Variants in NRG1 observed in about 807,000 individuals in gnomAD.
The protein encoded by NRG1 is neuregulin 1, also known as pro-neuregulin-1, membrane-bound isoform.
A neutral mutation model predicts 63.8 loss-of-function variants in NRG1; 18 were observed. The observed-to-expected ratio is 0.28, with a 90% CI of 0.19 to 0.42. NRG1 has a LOEUF of 0.42. Among genes scored for constraint, NRG1 ranks in the 10% least tolerant of loss-of-function variants. The pLI is 1.00. For missense variants in NRG1, 762 were observed against 814.7 expected, an observed-to-expected ratio of 0.94 and a Z score of 0.79; for synonymous variants, 302 against 301.3, an observed-to-expected ratio of 1.00 and a Z score of -0.02.
At chr8:32,306,526 G>A (rs1359596272) in intron 1 of NRG1, among the ~76,000 whole-genome samples, 1 of 152,182 alleles carries the variant, frequency 6.6e-6, no homozygotes, top group Non-Finnish European at 1.5e-5. Flanking sequence ...TCAGGGCTTT[G>A]TTGAGTCTGG....
intron 1 of NRG1, among the ~76,000 whole-genome samples, chr8:32,430,911 A>C (rs1228428055): frequency 6.6e-6 from 1 of 152,148 alleles, no homozygotes; most frequent in Non-Finnish European, 1.5e-5. Flanking sequence ...CAGGAATATG[A>C]AAATGAGTAA....
intron 1 of NRG1, among the ~76,000 whole-genome samples, chr8:32,260,954 T>C (rs1265650764): frequency 2.0e-5 from 3 of 152,222 alleles, no homozygotes. Flanking sequence ...TTAATGCTTA[T>C]TGGCCACTGG....
intron 1 of NRG1, among the ~76,000 whole-genome samples, chr8:32,209,712 C>CCATT (rs1844463236): frequency 7.6e-6 from 1 of 131,896 alleles, no homozygotes. Flanking sequence ...TTCTCTCTTT[C>CCATT]CCTTCCTTCC....
chr8:31,713,109 ATTTT>A (rs11304829), intron 1 of NRG1, among the ~76,000 whole-genome samples: 2 of 86,042 alleles, frequency 2.3e-5, no homozygotes, highest in African/African-American at 7.9e-5. Flanking sequence ...ACTCCTTCTA[ATTTT>A]TTTTTTTTTT....
In NRG1 at chr8:32,208,097, C is replaced by G. The variant is rs150373029; in HGVS notation, c.38-387731C>G. ...TCTCTGTCTAATGTCTATGTGTTCT[C>G]ATCGAATAATTCTTAAATGACCCTA... On this transcript the variant is annotated intron_variant, in intron 1 of 10. Transcript: ENST00000519301. 2.6e-4 allele frequency among the ~76,000 whole-genome samples: 40 copies of G among 152,234 alleles called. No individual in the cohort carries two copies. In the East Asian group the frequency reaches 7.2e-3, roughly 27 times the overall value.
chr8:32,588,678 C>G (rs1039283476), intron 1 of NRG1, among the ~76,000 whole-genome samples: 1 of 152,214 alleles, frequency 6.6e-6, no homozygotes, highest in Non-Finnish European at 1.5e-5. Flanking sequence ...GGACATGGAA[C>G]TGCTAGAATG....
At chr8:32,644,005 C>T (rs917323412) in intron 5 of NRG1, among the ~76,000 whole-genome samples, 2 of 152,026 alleles carry the variant, frequency 1.3e-5, no homozygotes, top group African/African-American at 4.8e-5. Context: ...TGAATCAGAA[C>T]GTACTCAAAT....
chr8:32,116,470 C>G (rs1048277215), intron 1 of NRG1, among the ~76,000 whole-genome samples: 12 of 152,104 alleles, frequency 7.9e-5, no homozygotes, highest in Non-Finnish European at 1.3e-4. Context: ...ACCTGATGAG[C>G]TGATTAAATA....
At chr8:32,371,325 A>T (rs1161173874) in intron 1 of NRG1, among the ~76,000 whole-genome samples, 1 of 152,214 alleles carries the variant, frequency 6.6e-6, no homozygotes, top group Non-Finnish European at 1.5e-5. Context: ...ACACATGACC[A>T]TCGTAAGGTC....
At chr8:32,344,374 C>CTTTCTTTCTT (rs1804517166) in intron 1 of NRG1, among the ~76,000 whole-genome samples, 3 of 96,846 alleles carry the variant, frequency 3.1e-5, no homozygotes, top group Non-Finnish European at 4.2e-5. Flanking sequence ...TTCTTTCTTT[C>CTTTCTTTCTT]TTTCTTTCTC....
At chr8:32,766,294 A>G (rs1831422639) in exon 12 of NRG1, 1 of 152,006 alleles carries the variant, frequency 6.6e-6, no homozygotes, top group South Asian at 2.1e-4. Context: ...TGGTATCTCA[A>G]ATTTTTCGTC....
At chr8:32,263,013 G>C (rs371031817) in intron 1 of NRG1, among the ~76,000 whole-genome samples, 19 of 152,082 alleles carry the variant, frequency 1.2e-4, no homozygotes, top group African/African-American at 4.3e-4. Flanking sequence ...CTTGTTAATG[G>C]GTCCTCTTAA....
intron 1 of NRG1, among the ~76,000 whole-genome samples, chr8:31,658,172 T>A (rs927494895): frequency 6.6e-6 from 1 of 152,164 alleles, no homozygotes; most frequent in South Asian, 2.1e-4. Context: ...AAGTTGATTG[T>A]CTGAGCGAGG....
intron 1 of NRG1, among the ~76,000 whole-genome samples, chr8:32,356,483 C>CG (rs770320354): frequency 1.2e-4 from 15 of 121,070 alleles, no homozygotes; most frequent in African/African-American, 3.1e-4. Context: ...GACCCCCCCC[C>CG]CACCCGCCGG....
chr8:32,569,497 C>G (rs1340597795), intron 1 of NRG1, among the ~76,000 whole-genome samples: 1 of 152,090 alleles, frequency 6.6e-6, no homozygotes, highest in African/African-American at 2.4e-5. Context: ...GTTTAACTTT[C>G]TGTCTATTTT....
intron 1 of NRG1, among the ~76,000 whole-genome samples, chr8:32,235,394 A>C (rs1313851629): frequency 6.6e-6 from 1 of 152,226 alleles, no homozygotes; most frequent in East Asian, 1.9e-4. Flanking sequence ...TTCTGTCTCC[A>C]AAAAATGAAA....
chr8:32,184,164 CAT>C (rs1388741193), intron 1 of NRG1, among the ~76,000 whole-genome samples: 1 of 151,796 alleles, frequency 6.6e-6, no homozygotes. Context: ...AGTACATGTA[CAT>C]ATATGTGTAT....
At chr8:32,397,889 T>A (rs906023122) in intron 1 of NRG1, among the ~76,000 whole-genome samples, 104 of 152,238 alleles carry the variant, frequency 6.8e-4, no homozygotes, top group African/African-American at 2.4e-3. Flanking sequence ...ATCATCCATC[T>A]GATTATGTTT....
chr8:32,104,478 T>C (rs1830999942), intron 1 of NRG1, among the ~76,000 whole-genome samples: 1 of 152,132 alleles, frequency 6.6e-6, no homozygotes, highest in African/African-American at 2.4e-5. Context: ...TTAGGCTACC[T>C]ATATTTATAG....
Sources: allele counts gnomAD v4.1 joint callset (sites outside exome capture counted in the v4.1 genomes callset), GRCh38; gene constraint gnomAD v4.1.1; transcripts MANE v1.5; gene names NCBI Gene and HGNC (gene_info 2026-07-23, HGNC 2026-07-21).